Variants in TTC13 observed in about 807,000 individuals in gnomAD.
The protein encoded by TTC13 is tetratricopeptide repeat protein 13.
TTC13 carries 62 observed loss-of-function variants against 120.0 expected under a neutral mutation model. The observed-to-expected ratio is 0.52, with a 90% CI of 0.42 to 0.64. The LOEUF (loss-of-function observed/expected upper bound fraction) is 0.64. TTC13 is among the 30% of genes least tolerant of loss of function. The pLI, the probability that TTC13 is intolerant of heterozygous loss-of-function variation, is 0.00. For missense variants in TTC13, 824 were observed against 1,050.2 expected (o/e 0.78, Z 2.98); for synonymous variants, 384 against 393.5 (o/e 0.98, Z 0.28).
At chr1:230,952,483 C>G (rs540421839) in intron 4 of TTC13, among the ~76,000 whole-genome samples, 2 of 152,180 alleles carry the variant, frequency 1.3e-5, no homozygotes, top group Non-Finnish European at 2.9e-5. Context: ...GTCTGAACTG[C>G]GAGCAAAGCA....
At chr1:230,933,011 C>T (rs138105727) in intron 9 of TTC13, among the ~76,000 whole-genome samples, 2,352 of 152,182 alleles carry the variant, frequency 0.015, 23 homozygotes, top group Middle Eastern at 0.031. Flanking sequence ...CTCGCTCTGT[C>T]GCCCAAGCTG....
intron 8 of TTC13, among the ~76,000 whole-genome samples, chr1:230,938,718 C>T (rs530442871): frequency 6.6e-6 from 1 of 152,318 alleles, no homozygotes; most frequent in South Asian, 2.1e-4. Context: ...TCAGCCACCA[C>T]ACTGTCAGAA....
chr1:230,936,272 A>G (rs776474430), intron 8 of TTC13: 15 of 455,964 alleles, frequency 3.3e-5, no homozygotes, highest in South Asian at 2.3e-4. Context: ...ATTCTGCCAA[A>G]GAGGGGACAT....
intron 2 of TTC13, among the ~76,000 whole-genome samples, chr1:230,960,576 A>G (rs372609000): frequency 0.01 from 1,123 of 107,314 alleles, 17 homozygotes; most frequent in African/African-American, 0.034. Flanking sequence ...GCTTTGTTTG[A>G]AAAAAAAAAA....
intron 1 of TTC13, among the ~76,000 whole-genome samples, chr1:230,969,436 A>AC (rs1403623447): frequency 1.3e-5 from 2 of 152,220 alleles, no homozygotes; most frequent in African/African-American, 4.8e-5. Flanking sequence ...TCTGGGCCAT[A>AC]AAGCTGGATA....
rs1411898387 is a variant in TTC13 at position 230,942,383 on chromosome 1, A to G, written c.672+1423T>C. Among the ~76,000 whole-genome samples, 5 of 152,230 alleles carry G rather than the reference A, an allele frequency of 3.3e-5. No homozygotes were observed. The highest frequency in any genetic ancestry group is 9.6e-5 in the African/African-American group (4 of 41,460). Reference sequence around the variant, plus strand: ...CCCTTAGGGTTACAATTCAAAATAGAGAAGAGGTAAGAAATTAAATCATTC... The same window carrying G: ...CCCTTAGGGTTACAATTCAAAATAGGGAAGAGGTAAGAAATTAAATCATTC... On this transcript the variant is annotated intron_variant, in intron 6 of 22. Transcript: ENST00000366661. The surrounding 1 kb of genome is among the most constrained non-coding windows in gnomAD (Gnocchi z 4.0).
intron 11 of TTC13, among the ~76,000 whole-genome samples, chr1:230,930,640 C>G (rs1673453702): frequency 6.6e-6 from 1 of 152,232 alleles, no homozygotes; most frequent in African/African-American, 2.4e-5. Flanking sequence ...TAAGAACCAG[C>G]TGGGCGTGGT....
At chr1:230,908,528 G>A (rs973566932) in intron 22 of TTC13, 184 bp downstream of exon 22, 19 of 607,526 alleles carry the variant, frequency 3.1e-5, no homozygotes, top group African/African-American at 2.6e-4. Context: ...ACCCTTAAAA[G>A]GTTATCTTAT....
In TTC13 at chr1:230,924,334, CG is replaced by C. The variant is rs575925442; in HGVS notation, c.1722-402del. ...ATTGAAAATGTGACAACAATCAATT[CG>C]TTTTTTTTGTTTTTTGAGATGGAGT... On this transcript the variant is annotated intron_variant, in intron 14 of 22. Transcript: ENST00000366661. Among the ~76,000 whole-genome samples, 411 of 152,134 alleles carry C rather than the reference CG, an allele frequency of 2.7e-3. 2 individuals are homozygous for C. Among genetic ancestry groups the C allele is most frequent in the African/African-American group, 9.4e-3 (389 of 41,520 alleles).
chr1:230,978,800 A>T lies in TTC13; in HGVS notation c.31T>A (p.Cys11Ser), dbSNP rs1678669807. MAPAGCCCCC[C>S]FWGGAVAAAG... ...GCGGCCACAGCGCCGCCCCAGAAGC[A>T]GCAGCAGCAGCAGCAGCCGGCAGGT... The change falls in exon 1 of 23, where the codon TGC becomes AGC. Residue 11 changes from cysteine (C) to serine (S), a missense_variant. Cys to Ser is a moderately radical substitution (Grantham distance 112, BLOSUM62 -1). This residue lies in a region of TTC13 where 160 missense variants were observed against 137.2 expected (regional missense o/e 1.17). Transcript: ENST00000366661. The surrounding 1 kb of genome is among the most constrained non-coding windows in gnomAD (Gnocchi z 5.6). 1 of 1,492,282 alleles carries T rather than the reference A, an allele frequency of 6.7e-7. No homozygotes were observed. Among genetic ancestry groups the T allele is most frequent in the Non-Finnish European group, 8.8e-7 (1 of 1,130,544 alleles). The allele number at this position is 1,492,282 out of a possible 1,614,324, so 92.4% of individuals were successfully genotyped here.
Position 230,978,525 on chromosome 1 carries a change from C to T in TTC13, c.271+35G>A. ...ACCCCAGCCCCGCTGCCCCGCCGCC[C>T]CGGCCGACTCGGACGCCCGCCGCCG... On this transcript the variant is annotated intron_variant, in intron 1 of 22. Coordinates refer to ENST00000366661, the MANE Select transcript of TTC13 (RefSeq NM_024525.5). The surrounding 1 kb of genome is among the most constrained non-coding windows in gnomAD (Gnocchi z 5.6). The T allele has an allele frequency of 1.4e-6, 1 of 721,366 alleles. No individual in the cohort carries two copies. The highest frequency in any genetic ancestry group is 1.9e-6 in the Non-Finnish European group (1 of 516,962). The allele number at this position is 721,366 out of a possible 1,614,324, so 44.7% of individuals were successfully genotyped here.
At chr1:230,930,463 A>T (rs925893694) in intron 11 of TTC13, among the ~76,000 whole-genome samples, 4 of 152,314 alleles carry the variant, frequency 2.6e-5, no homozygotes, top group South Asian at 2.1e-4. Flanking sequence ...GGCTTTAATT[A>T]AAAAAACTGT....
chr1:230,976,682 A>G (rs568520353), intron 1 of TTC13, among the ~76,000 whole-genome samples: 2 of 152,192 alleles, frequency 1.3e-5, no homozygotes, highest in Non-Finnish European at 2.9e-5. Flanking sequence ...AATAAGTACT[A>G]CATGGGAGAG....
At chr1:230,965,730 G>A (rs1677062184) in intron 1 of TTC13, among the ~76,000 whole-genome samples, 3 of 152,186 alleles carry the variant, frequency 2.0e-5, no homozygotes, top group Admixed American at 2.0e-4. Context: ...AGAGTGCAGT[G>A]GCACGATCTC....
At chr1:230,964,299 T>C (rs1676923530) in intron 1 of TTC13, among the ~76,000 whole-genome samples, 1 of 152,190 alleles carries the variant, frequency 6.6e-6, no homozygotes, top group South Asian at 2.1e-4. Context: ...ACAAATAAAA[T>C]TGCCAAGTCA....
intron 17 of TTC13, among the ~76,000 whole-genome samples, chr1:230,916,639 A>C (rs1672060097): frequency 6.6e-6 from 1 of 152,244 alleles, no homozygotes; most frequent in Non-Finnish European, 1.5e-5. Flanking sequence ...AGCAACCTTG[A>C]ATCATGGCAG....
At chr1:230,936,944 G>A (rs1337361119) in intron 8 of TTC13, among the ~76,000 whole-genome samples, 2 of 152,216 alleles carry the variant, frequency 1.3e-5, no homozygotes, top group African/African-American at 2.4e-5. Context: ...TGGGATGAAG[G>A]AGTCAGTAAG....
chr1:230,916,626 G>A (rs1447388379), intron 17 of TTC13, among the ~76,000 whole-genome samples: 3 of 152,210 alleles, frequency 2.0e-5, no homozygotes, highest in African/African-American at 4.8e-5. Flanking sequence ...CATCTTAGTA[G>A]GCAGCAACCT....
chr1:230,933,653 T>C (rs1673772493), intron 9 of TTC13, 126 bp downstream of exon 9: 3 of 538,538 alleles, frequency 5.6e-6, no homozygotes, highest in South Asian at 5.7e-5. Flanking sequence ...TATACATACT[T>C]GCACAATTCA....
Sources: gnomAD v4.1 joint callset for allele counts (sites outside exome capture counted in the v4.1 genomes callset) on GRCh38, gnomAD v4.1.1 for gene constraint, gnomAD v4.1.1 regional missense constraint, Gnocchi (gnomAD v3.1) non-coding constraint, MANE v1.5 for transcripts, NCBI Gene and HGNC (gene_info 2026-07-23, HGNC 2026-07-21) for gene names.